Variants in SPMIP6 observed in about 807,000 individuals in gnomAD.
SPMIP6 encodes the protein ciliated bronchial epithelial protein 1.
the SPMIP6 span, among the ~76,000 whole-genome samples, chr9:34,395,776 C>G: frequency 6.6e-6 from 1 of 152,174 alleles, no homozygotes. Flanking sequence ...AGCATTCCTC[C>G]AGCTGCCACA....
chr9:34,383,675 A>G, the SPMIP6 span, among the ~76,000 whole-genome samples: 1 of 152,176 alleles, frequency 6.6e-6, no homozygotes, highest in East Asian at 1.9e-4. Flanking sequence ...TTTAAATTTC[A>G]GTTTTACAAT....
At chr9:34,381,087 G>C in the SPMIP6 span, 1 of 1,610,148 alleles carries the variant, frequency 6.2e-7, no homozygotes, top group African/African-American at 1.3e-5. The surrounding 1 kb of genome is among the most constrained non-coding windows in gnomAD (Gnocchi z 4.4). Context: ...GGCAGCTGCT[G>C]GTTCCGCGAC....
the SPMIP6 span, among the ~76,000 whole-genome samples, chr9:34,385,348 A>G: frequency 2.0e-5 from 3 of 152,100 alleles, no homozygotes; most frequent in South Asian, 6.2e-4. Flanking sequence ...CCTGGCCAAC[A>G]TGGTGAAACC....
the SPMIP6 span, among the ~76,000 whole-genome samples, chr9:34,384,785 C>G: frequency 1.3e-5 from 2 of 152,052 alleles, no homozygotes; most frequent in African/African-American, 2.4e-5. Context: ...ATGAGAAAGA[C>G]AGTTTCTCAT....
the SPMIP6 span, among the ~76,000 whole-genome samples, chr9:34,393,013 G>C: frequency 6.6e-6 from 1 of 152,216 alleles, no homozygotes; most frequent in Non-Finnish European, 1.5e-5. Context: ...AATCTTCAGA[G>C]GGTAAAAATG....
At chr9:34,388,395 A>G in the SPMIP6 span, among the ~76,000 whole-genome samples, 63,997 of 150,256 alleles carry the variant, frequency 0.43, 14,367 homozygotes, top group East Asian at 0.85. Context: ...CAGGTGGTCC[A>G]CCCACCTCAG....
chr9:34,394,450 C>T, the SPMIP6 span, among the ~76,000 whole-genome samples: 1 of 152,240 alleles, frequency 6.6e-6, no homozygotes, highest in African/African-American at 2.4e-5. Flanking sequence ...CCACTGCACC[C>T]GGCCCAATTA....
At chr9:34,396,009 C>A in the SPMIP6 span, among the ~76,000 whole-genome samples, 2 of 152,134 alleles carry the variant, frequency 1.3e-5, no homozygotes, top group African/African-American at 4.8e-5. Context: ...CTAACAATTT[C>A]ATGTCTAGTA....
At chr9:34,397,569 G>A in the SPMIP6 span, 1 of 1,613,662 alleles carries the variant, frequency 6.2e-7, no homozygotes, top group South Asian at 1.1e-5. Context: ...GATGGAGGTG[G>A]GAGCCCTGTA....
chr9:34,381,896 G>A, the SPMIP6 span: 2 of 624,282 alleles, frequency 3.2e-6, no homozygotes, highest in Non-Finnish European at 4.0e-6. The surrounding 1 kb of genome is among the most constrained non-coding windows in gnomAD (Gnocchi z 4.4). Flanking sequence ...AAGAGCCCCG[G>A]CTCTGGTTTT....
At chr9:34,389,842 T>C in the SPMIP6 span, 1 of 152,194 alleles carries the variant, frequency 6.6e-6, no homozygotes, top group Admixed American at 6.5e-5. Flanking sequence ...GATGTATATT[T>C]TAAAAATTAT....
chr9:34,385,921 C>T, the SPMIP6 span: 1 of 737,228 alleles, frequency 1.4e-6, no homozygotes. Context: ...CAGAGGGATT[C>T]CCATGCTAGC....
the SPMIP6 span, among the ~76,000 whole-genome samples, chr9:34,388,457 G>A: frequency 3.3e-5 from 5 of 152,038 alleles, no homozygotes; most frequent in African/African-American, 7.2e-5. Flanking sequence ...TGGCCTAACT[G>A]CTTCTTAACA....
At chr9:34,389,243 A>G in the SPMIP6 span, among the ~76,000 whole-genome samples, 1 of 151,934 alleles carries the variant, frequency 6.6e-6, no homozygotes, top group Admixed American at 6.6e-5. Flanking sequence ...TTTTCTTTAT[A>G]GTGTCTTGAT....
At chr9:34,387,485 G>A in the SPMIP6 span, among the ~76,000 whole-genome samples, 3 of 151,976 alleles carry the variant, frequency 2.0e-5, no homozygotes, top group Non-Finnish European at 2.9e-5. Context: ...CATGGGTCCC[G>A]TGACTCAGCA....
At chr9:34,380,919 A>G in the SPMIP6 span, 3 of 1,593,780 alleles carry the variant, frequency 1.9e-6, no homozygotes, top group African/African-American at 1.3e-5. Context: ...TGCTCCCGGC[A>G]CCAAGGCCGC....
the SPMIP6 span, chr9:34,382,644 T>C: frequency 1.0e-5 from 8 of 770,588 alleles, no homozygotes; most frequent in Non-Finnish European, 1.9e-5. Context: ...GGGGCATTTG[T>C]TGGGAAAGCA....
At chr9:34,381,470 A>G in the SPMIP6 span, 4 of 1,613,840 alleles carry the variant, frequency 2.5e-6, no homozygotes, top group Non-Finnish European at 2.5e-6. This position sits in a 1 kb window ranked among gnomAD's most constrained non-coding sequence, Gnocchi z 4.4. Flanking sequence ...ATGCTACCTC[A>G]AGCTCTGACC....
chr9:34,381,504 G>C, the SPMIP6 span: 1 of 1,611,050 alleles, frequency 6.2e-7, no homozygotes, highest in African/African-American at 1.3e-5. This position sits in a 1 kb window ranked among gnomAD's most constrained non-coding sequence, Gnocchi z 4.4. Flanking sequence ...CCCTTTTAGG[G>C]GTCCTCCCAG....
Sources: gnomAD v4.1 joint callset for allele counts (sites outside exome capture counted in the v4.1 genomes callset) on GRCh38, gnomAD v4.1.1 for gene constraint, Gnocchi (gnomAD v3.1) non-coding constraint, MANE v1.5 for transcripts, NCBI Gene and HGNC (gene_info 2026-07-23, HGNC 2026-07-21) for gene names.